The following TBX15 variants were observed in gnomAD, a reference collection of about 807,000 sequenced individuals.
TBX15 encodes the protein T-box transcription factor 15, also known as T-box transcription factor TBX15.
TBX15 carries 18 observed loss-of-function variants against 53.9 expected under a neutral mutation model. The observed-to-expected ratio is 0.33, with a 90% confidence interval of 0.23 to 0.49. The LOEUF is 0.49. TBX15 is among the 20% of genes least tolerant of loss of function. TBX15 has a pLI of 0.98. For missense variants in TBX15, 692 were observed against 749.5 expected (o/e 0.92, Z 0.90); for synonymous variants, 295 against 278.0 (o/e 1.06, Z -0.61).
intron 5 of TBX15, among the ~76,000 whole-genome samples, chr1:118,921,885 G>A (rs936281789): frequency 6.6e-6 from 1 of 152,118 alleles, no homozygotes; most frequent in Non-Finnish European, 1.5e-5. Flanking sequence ...AGAATGTTAT[G>A]AAGAATAAAA....
Position 118,987,953 on chromosome 1 carries a change from G to A in TBX15, c.-158C>T. 1.2e-6 allele frequency: 1 copy of A among 867,036 alleles called. No individual in the cohort carries two copies. Among genetic ancestry groups the A allele is most frequent in the Non-Finnish European group, 1.7e-6 (1 of 574,604 alleles). The allele number at this position is 867,036 out of a possible 1,614,324, so 53.7% of individuals were successfully genotyped here. On this transcript the variant is annotated 5_prime_UTR_variant, in exon 1 of 8. Coordinates refer to ENST00000369429, the MANE Select transcript of TBX15 (RefSeq NM_001330677.2). ...TCGCGGGTCTCTCCACCCTCCCCCT[G>A]CGTCCTCCTCCGCCCTCCTCTGCCG... is the stretch of plus-strand genomic sequence containing the variant.
At chr1:118,914,078 C>T in intron 6 of TBX15, 37 bp downstream of exon 6, 3 of 1,608,512 alleles carry the variant, frequency 1.9e-6, no homozygotes, top group Non-Finnish European at 2.6e-6. Context: ...AGTAATGTCA[C>T]ATAGAAAAGA....
At chr1:118,942,138 C>T (rs577711347) in intron 1 of TBX15, among the ~76,000 whole-genome samples, 161 of 152,158 alleles carry the variant, frequency 1.1e-3, no homozygotes, top group African/African-American at 3.5e-3. Flanking sequence ...TTTTCTGGGC[C>T]TAATGAAGAT....
intron 5 of TBX15, among the ~76,000 whole-genome samples, chr1:118,920,292 G>A (rs765005655): frequency 2.0e-4 from 31 of 152,144 alleles, no homozygotes; most frequent in Non-Finnish European, 3.8e-4. Flanking sequence ...TTCTAACTGG[G>A]GAGAGCTCAT....
chr1:118,976,032 G>C (rs1407409176), intron 1 of TBX15, among the ~76,000 whole-genome samples: 1 of 152,108 alleles, frequency 6.6e-6, no homozygotes, highest in Non-Finnish European at 1.5e-5. Context: ...TTCTCCCTCT[G>C]TTGCCAGGAA....
At chr1:118,943,183 G>A (rs1408466982) in intron 1 of TBX15, among the ~76,000 whole-genome samples, 1 of 152,180 alleles carries the variant, frequency 6.6e-6, no homozygotes, top group Non-Finnish European at 1.5e-5. Context: ...AACAGAAAAT[G>A]ACCATATGCG....
chr1:118,924,967 A>C (rs1323684011), intron 3 of TBX15, 150 bp from the exon 4 acceptor site: 1 of 836,278 alleles, frequency 1.2e-6, no homozygotes, highest in African/African-American at 1.7e-5. Context: ...GACTCAAAGG[A>C]GGAAAAGAGA....
In TBX15 at chr1:118,923,622, T is replaced by C. The variant is rs774132238; in HGVS notation, c.694-19A>G. 11 of 1,613,804 alleles carry C rather than the reference T, an allele frequency of 6.8e-6. No homozygotes were observed. In the African/African-American group the frequency reaches 8.0e-5, roughly 12 times the overall value. On this transcript the variant is annotated intron_variant, in intron 4 of 7. Transcript: ENST00000369429. ...GAATGATCTGAAATAAAAAGGGGAA[T>C]TGTACCAGGCTTGGCTTTAAGGAAC...
At chr1:118,893,410 G>A (rs5007736) in intron 7 of TBX15, among the ~76,000 whole-genome samples, 711 of 66,558 alleles carry the variant, frequency 0.011, 40 homozygotes, top group African/African-American at 0.06. Flanking sequence ...AGAAAGAAAG[G>A]AAGAAGGAAA....
chr1:118,924,782 C>A lies in TBX15; in HGVS notation c.557G>T (p.Gly186Val). 6.2e-7 allele frequency: 1 copy of A among 1,613,976 alleles called. No individual in the cohort carries two copies. The highest frequency in any genetic ancestry group is 2.2e-5 in the East Asian group (1 of 44,856). The part of the protein sequence containing the change: ...VYHSSKWMVA[G>V]NADSPVPPRV... ...TGGGGGCACAGGGGAATCAGCATTGCCAGCCACCATCCACTTGGAGCTATG... is the reference window on the plus strand; with the variant it reads ...TGGGGGCACAGGGGAATCAGCATTGACAGCCACCATCCACTTGGAGCTATG... Residue 186 changes from glycine to valine, a missense_variant, in exon 4 of 8, where the codon GGC (glycine) becomes GTC (valine). Transcript: ENST00000369429.
intron 7 of TBX15, among the ~76,000 whole-genome samples, chr1:118,893,406 A>AAAGG (rs1209014930): frequency 3.0e-4 from 36 of 119,238 alleles, no homozygotes; most frequent in East Asian, 7.1e-4. Context: ...AGAAAGAAAG[A>AAAGG]AAGGAAGAAG....
chr1:118,988,050 TGAGCGCCC>T lies in TBX15; in HGVS notation c.-263_-256del. On this transcript the variant is annotated 5_prime_UTR_variant, in exon 1 of 8. Transcript: ENST00000369429. The stretch of plus-strand genomic sequence containing the variant: ...CCCCGAGCGCCGCCCGCTCGCTGCA[TGAGCGCCC>T]GAGTCCTGCTTCCCACCCACCGGGG... The T allele has an allele frequency of 3.6e-6, 2 of 563,066 alleles. No individual in the cohort carries two copies. Among genetic ancestry groups the T allele is most frequent in the South Asian group, 4.3e-5 (2 of 46,558 alleles). The allele number at this position is 563,066 out of a possible 1,614,324, so 34.9% of individuals were successfully genotyped here.
At chr1:118,955,465 G>A (rs913927119) in intron 1 of TBX15, among the ~76,000 whole-genome samples, 1 of 152,124 alleles carries the variant, frequency 6.6e-6, no homozygotes, top group Admixed American at 6.5e-5. Context: ...AATGAATAAT[G>A]GGGGATGCTA....
At chr1:118,891,013 C>T in intron 7 of TBX15, 3 of 1,118,460 alleles carry the variant, frequency 2.7e-6, no homozygotes, top group Non-Finnish European at 3.6e-6. Context: ...TAGACTGATC[C>T]CAGAGAATAA....
chr1:118,890,306 T>G (rs61806183), intron 7 of TBX15, among the ~76,000 whole-genome samples: 2,700 of 152,146 alleles, frequency 0.018, 40 homozygotes, highest in Non-Finnish European at 0.03. Flanking sequence ...TGAAGCAAAG[T>G]GGGATTGACA....
In TBX15 at chr1:118,971,378, C is replaced by T. The variant is rs1657231496; in HGVS notation, c.205+16213G>A. On this transcript the variant is annotated intron_variant, in intron 1 of 7. Coordinates refer to ENST00000369429, the MANE Select transcript of TBX15 (RefSeq NM_001330677.2). ...GGCACCTCATGCTGGGCTCCAGGAT[C>T]ATCTTGAAGCCAAGTCATCTGTAAA... 2.0e-5 allele frequency among the ~76,000 whole-genome samples: 3 copies of T among 152,194 alleles called. No individual in the cohort carries two copies. The South Asian group carries it at 6.2e-4, about 31-fold the overall frequency.
In TBX15 at chr1:118,931,787, C is replaced by T. The variant is rs748988567; in HGVS notation, c.251G>A (p.Arg84Gln). 249 of 1,604,522 alleles carry T rather than the reference C, an allele frequency of 1.6e-4. No individual in the cohort carries two copies. Among genetic ancestry groups the T allele is most frequent in the Non-Finnish European group, 1.9e-4 (226 of 1,174,508 alleles). The change falls in exon 2 of 8, where the codon CGG becomes CAG. Residue 84 changes from arginine to glutamine, a missense_variant. By Grantham distance (43) the Arg-to-Gln change is conservative. Around this residue, in one of 3 missense-constraint regions of TBX15, gnomAD observed 307 missense variants for 347.5 expected, o/e 0.88. Coordinates refer to ENST00000369429, the MANE Select transcript of TBX15 (RefSeq NM_001330677.2). ...TGSDSEVLTE[R>Q]TSCSFSTHTD... The stretch of plus-strand genomic sequence containing the variant: ...GTGAGTACTGAAGGAGCAGGAAGTC[C>T]GCTCAGTGAGGACCTCAGAATCTGA...
intron 1 of TBX15, among the ~76,000 whole-genome samples, chr1:118,978,569 A>G (rs1427212203): frequency 2.0e-5 from 3 of 152,166 alleles, no homozygotes; most frequent in African/African-American, 7.2e-5. Flanking sequence ...TCCAACATCA[A>G]TTTCAAAGCT....
chr1:118,931,096 GT>G (rs1655767125), intron 2 of TBX15, among the ~76,000 whole-genome samples: 1 of 152,202 alleles, frequency 6.6e-6, no homozygotes, highest in South Asian at 2.1e-4. Flanking sequence ...TAGAAAAACA[GT>G]TTTACAAGAA....
Sources: allele counts gnomAD v4.1 joint callset (sites outside exome capture counted in the v4.1 genomes callset), GRCh38; gene constraint gnomAD v4.1.1; regional missense constraint gnomAD v4.1.1; transcripts MANE v1.5; gene names NCBI Gene and HGNC (gene_info 2026-07-23, HGNC 2026-07-21).